EVA1C: variants seen among roughly 807,000 people sequenced by gnomAD.
EVA1C encodes eva-1 homolog C.
EVA1C carries 25 observed loss-of-function variants against 45.4 expected under a neutral mutation model. That is an observed-to-expected ratio of 0.55 (90% confidence interval 0.40 to 0.77). The LOEUF (loss-of-function observed/expected upper bound fraction) is 0.77, where lower values mean the gene tolerates loss of function less well. Ranked by LOEUF, EVA1C falls within the 30% of genes least tolerant of loss-of-function variation. EVA1C has a pLI of 0.00. For missense variants in EVA1C, 479 were observed against 554.8 expected (o/e 0.86, Z 1.37); for synonymous variants, 190 against 221.2 (o/e 0.86, Z 1.25).
At chr21:32,431,397 C>T (rs1211046664) in intron 1 of EVA1C, among the ~76,000 whole-genome samples, 2 of 152,236 alleles carry the variant, frequency 1.3e-5, no homozygotes, top group Non-Finnish European at 2.9e-5. Flanking sequence ...CTAGAACTTT[C>T]CTGTCACCCA....
chr21:32,515,363 C>T lies in EVA1C; in HGVS notation c.*173C>T, dbSNP rs1215588892. 4 of 543,398 alleles carry T rather than the reference C, an allele frequency of 7.4e-6. No individual in the cohort carries two copies. In the African/African-American group the frequency reaches 7.5e-5, roughly 10 times the overall value. The allele number at this position is 543,398 out of a possible 1,614,324, so 33.7% of individuals were successfully genotyped here. Reference sequence around the variant, plus strand: ...GTTTCAAGCTGTTTCTAGCACATTCCAAAATAAATGAGGAGGGAAGAGTCT... The same window carrying T: ...GTTTCAAGCTGTTTCTAGCACATTCTAAAATAAATGAGGAGGGAAGAGTCT... On this transcript the variant is annotated 3_prime_UTR_variant, in exon 8 of 8. Transcript: ENST00000300255.
intron 4 of EVA1C, among the ~76,000 whole-genome samples, chr21:32,471,704 C>T (rs2036384063): frequency 6.6e-6 from 1 of 151,578 alleles, no homozygotes; most frequent in African/African-American, 2.4e-5. Flanking sequence ...TCTCAGCTCA[C>T]TGCAAGCTCT....
chr21:32,471,324 CT>C (rs796205289), intron 4 of EVA1C, among the ~76,000 whole-genome samples: 1 of 117,550 alleles, frequency 8.5e-6, no homozygotes, highest in African/African-American at 3.8e-5. Flanking sequence ...TCCTTTTTTT[CT>C]TTTTTCTTTT....
intron 1 of EVA1C, 142 bp downstream of exon 1, chr21:32,413,155 C>T (rs1486161850): frequency 4.4e-6 from 3 of 678,688 alleles, no homozygotes; most frequent in Non-Finnish European, 6.4e-6. Context: ...CTGGTGTGAG[C>T]CCTTGGCATA....
At chr21:32,420,718 A>G (rs2034236359) in intron 1 of EVA1C, among the ~76,000 whole-genome samples, 1 of 152,194 alleles carries the variant, frequency 6.6e-6, no homozygotes, top group Non-Finnish European at 1.5e-5. Context: ...TTAAGCACAT[A>G]AAGCACTCTA....
chr21:32,470,955 C>T (rs1320896783), intron 4 of EVA1C, among the ~76,000 whole-genome samples: 1 of 151,916 alleles, frequency 6.6e-6, no homozygotes, highest in African/African-American at 2.4e-5. Flanking sequence ...GACGGGGTTG[C>T]ACTGTGTTGG....
At chr21:32,463,078 G>T (rs1325427230) in intron 3 of EVA1C, among the ~76,000 whole-genome samples, 5 of 152,188 alleles carry the variant, frequency 3.3e-5, no homozygotes, top group African/African-American at 4.8e-5. Context: ...TGTGACTGTT[G>T]TATCGAAAAG....
chr21:32,419,221 T>C (rs1295011888), intron 1 of EVA1C, among the ~76,000 whole-genome samples: 2 of 152,190 alleles, frequency 1.3e-5, no homozygotes, highest in African/African-American at 4.8e-5. Context: ...AGGTCACTGA[T>C]CTTCACAGCC....
intron 6 of EVA1C, among the ~76,000 whole-genome samples, chr21:32,502,725 C>T (rs2037599236): frequency 6.6e-6 from 1 of 152,204 alleles, no homozygotes; most frequent in Non-Finnish European, 1.5e-5. Context: ...TTCTAGCTGG[C>T]CACCTTGGCT....
intron 1 of EVA1C, among the ~76,000 whole-genome samples, chr21:32,438,783 C>T (rs1005906183): frequency 1.3e-5 from 2 of 152,042 alleles, no homozygotes; most frequent in Non-Finnish European, 2.9e-5. Flanking sequence ...TCAACTGAAC[C>T]GTCCAGGAGA....
intron 5 of EVA1C, chr21:32,496,768 C>A: frequency 1.5e-6 from 1 of 681,226 alleles, no homozygotes. Context: ...ACCGGGAAAG[C>A]TGAGACACTG....
intron 7 of EVA1C, among the ~76,000 whole-genome samples, chr21:32,509,494 G>C (rs1180439653): frequency 2.0e-5 from 3 of 152,208 alleles, no homozygotes; most frequent in Non-Finnish European, 4.4e-5. Context: ...GATTTATGGA[G>C]CCCCATCCCC....
intron 2 of EVA1C, 41 bp downstream of exon 2, chr21:32,453,549 A>G (rs2146250665): frequency 7.3e-7 from 1 of 1,367,680 alleles, no homozygotes; most frequent in Non-Finnish European, 1.0e-6. Context: ...TACAGTTTCA[A>G]CACACACTCT....
At chr21:32,421,337 C>CTATA (rs145320246) in intron 1 of EVA1C, among the ~76,000 whole-genome samples, 12,355 of 152,042 alleles carry the variant, frequency 0.081, 1,416 homozygotes, top group African/African-American at 0.25. Flanking sequence ...ATAAAGACCT[C>CTATA]TATATAAAGC....
At chr21:32,492,444 T>TGGAGAGAGGTCCTGGGAACTGG (rs1476920938) in intron 4 of EVA1C, among the ~76,000 whole-genome samples, 30 of 152,224 alleles carry the variant, frequency 2.0e-4, no homozygotes, top group African/African-American at 7.2e-4. Context: ...AGCATAAGTC[T>TGGAGAGAGGTCCTGGGAACTGG]GGAGAGAGGT....
chr21:32,507,313 T>C (rs2037752383), intron 7 of EVA1C, among the ~76,000 whole-genome samples: 1 of 152,182 alleles, frequency 6.6e-6, no homozygotes, highest in Admixed American at 6.5e-5. Flanking sequence ...AGGAAGCTCA[T>C]AGAAAAACAT....
At chr21:32,460,315 G>T (rs957958297) in intron 3 of EVA1C, among the ~76,000 whole-genome samples, 2 of 152,114 alleles carry the variant, frequency 1.3e-5, no homozygotes, top group African/African-American at 4.8e-5. Flanking sequence ...TTCAAGAGAG[G>T]CTTTCTCTGT....
At chr21:32,427,264 C>T (rs2833817) in intron 1 of EVA1C, among the ~76,000 whole-genome samples, 23,277 of 152,108 alleles carry the variant, frequency 0.15, 1,953 homozygotes, top group East Asian at 0.24. Context: ...AAACATTTGA[C>T]GATGTATATA....
At chr21:32,444,709 G>GT (rs750618024) in intron 1 of EVA1C, among the ~76,000 whole-genome samples, 8 of 152,176 alleles carry the variant, frequency 5.3e-5, no homozygotes, top group Non-Finnish European at 7.3e-5. Flanking sequence ...CTCCCTGGAA[G>GT]TTGGGGTTGG....
Sources: gnomAD v4.1 joint callset for allele counts (sites outside exome capture counted in the v4.1 genomes callset) on GRCh38, gnomAD v4.1.1 for gene constraint, MANE v1.5 for transcripts, NCBI Gene and HGNC (gene_info 2026-07-23, HGNC 2026-07-21) for gene names.